Variants in ATP10D observed in about 807,000 individuals in gnomAD.
The protein encoded by ATP10D is ATPase phospholipid transporting 10D (putative).
Under a neutral mutation model 144.8 loss-of-function variants are expected in ATP10D, and 89 were observed. The observed-to-expected ratio is 0.61, with a 90% confidence interval of 0.52 to 0.73. The LOEUF (loss-of-function observed/expected upper bound fraction) is 0.73, where lower values mean the gene tolerates loss of function less well. ATP10D is among the 30% of genes least tolerant of loss of function. The pLI is 0.00. For missense variants in ATP10D, 1,603 were observed against 1,714.8 expected, an observed-to-expected ratio of 0.93 and a Z score of 1.15; for synonymous variants, 571 against 615.1, an observed-to-expected ratio of 0.93 and a Z score of 1.06.
intron 4 of ATP10D, among the ~76,000 whole-genome samples, chr4:47,523,794 A>G (rs1577643855): frequency 6.6e-6 from 1 of 150,714 alleles, no homozygotes; most frequent in East Asian, 1.9e-4. Flanking sequence ...TTCAAATGAA[A>G]TAGTACATAT....
chr4:47,554,344 T>C (rs1251843253), intron 10 of ATP10D, among the ~76,000 whole-genome samples: 2 of 152,216 alleles, frequency 1.3e-5, no homozygotes, highest in African/African-American at 4.8e-5. Flanking sequence ...GTTTAAGAGT[T>C]AGTATTCATC....
In ATP10D at chr4:47,536,834, A is replaced by C. The variant is rs1238492373; in HGVS notation, c.1292A>C (p.Gln431Pro). The change falls in exon 9 of 23, where the codon CAG becomes CCG. Residue 431 changes from glutamine (Q) to proline (P), a missense_variant. Gln to Pro is a moderately conservative substitution (Grantham distance 76, BLOSUM62 -1). Coordinates refer to ENST00000273859, the MANE Select transcript of ATP10D (RefSeq NM_020453.4). ...RALNIAEDLGQIQYLFSDKTG... is the reference protein window; with the variant it reads ...RALNIAEDLGPIQYLFSDKTG... ...CTGAACATCGCCGAGGATCTGGGAC[A>C]GATTCAGTACCTCTTTTCCGATAAG... is the stretch of plus-strand genomic sequence containing the variant. 1.9e-6 allele frequency: 3 copies of C among 1,613,406 alleles called. No individual in the cohort carries two copies. The highest frequency in any genetic ancestry group is 2.5e-6 in the Non-Finnish European group (3 of 1,179,706).
chr4:47,520,577 T>G (rs1716894516), intron 3 of ATP10D, among the ~76,000 whole-genome samples: 1 of 152,066 alleles, frequency 6.6e-6, no homozygotes, highest in African/African-American at 2.4e-5. Context: ...TTTTGTTTTG[T>G]TTTTTGAGAC....
rs779000383 is a variant in ATP10D, at chr4:47,591,300, GTGTGAAACTGCTTTAGATCAAGGCTAC to G, written c.4202_4228del (p.Cys1401_Tyr1409del). 369 of 1,613,318 alleles carry G rather than the reference GTGTGAAACTGCTTTAGATCAAGGCTAC, an allele frequency of 2.3e-4. 1 individual carries two copies. The highest frequency in any genetic ancestry group is 3.1e-4 in the Non-Finnish European group (364 of 1,179,494). ...CTATTGAGCAAGGAAACTTATCTCTGTGTGAAACTGCTTTAGATCAAGGCTACTCTGAAACTAAGGCCTTTGAGATGG... is the reference window on the plus strand; with the variant it reads ...CTATTGAGCAAGGAAACTTATCTCTGTCTGAAACTAAGGCCTTTGAGATGG... On this transcript the variant is annotated inframe_deletion, in exon 23 of 23. Transcript: ENST00000273859.
At chr4:47,541,466 A>T (rs933282775) in intron 9 of ATP10D, among the ~76,000 whole-genome samples, 7 of 152,148 alleles carry the variant, frequency 4.6e-5, no homozygotes, top group African/African-American at 1.7e-4. Context: ...ACGATGCTGG[A>T]ATTGTATGGG....
At chr4:47,559,531 A>G (rs1044519785) in intron 13 of ATP10D, among the ~76,000 whole-genome samples, 2 of 152,226 alleles carry the variant, frequency 1.3e-5, no homozygotes, top group Non-Finnish European at 2.9e-5. Flanking sequence ...TTTATTGAGA[A>G]TGCATATCCT....
chr4:47,535,549 A>AAT lies in ATP10D; in HGVS notation c.818_819dup (p.Leu274IlefsTer30). On this transcript the variant is annotated frameshift_variant, in exon 6 of 23. Transcript: ENST00000273859. LOFTEE classifies it high-confidence loss of function. ...AGAACGCGTGGGTCTCAGTAAAGAA[A>AAT]ATTTGTTGCTTAGAGGATGCACCAT... The AAT allele has an allele frequency of 6.2e-7, 1 of 1,613,078 alleles. No homozygotes were observed. The highest frequency in any genetic ancestry group is 8.5e-7 in the Non-Finnish European group (1 of 1,179,442).
intron 10 of ATP10D, among the ~76,000 whole-genome samples, chr4:47,549,719 G>A (rs996270021): frequency 6.6e-6 from 1 of 152,228 alleles, no homozygotes; most frequent in Non-Finnish European, 1.5e-5. Context: ...TCACAAAGAA[G>A]GGAATGATCA....
intron 3 of ATP10D, among the ~76,000 whole-genome samples, chr4:47,519,992 G>T (rs1331607927): frequency 6.6e-6 from 1 of 152,072 alleles, no homozygotes; most frequent in Non-Finnish European, 1.5e-5. Context: ...TTTAAATCTT[G>T]GTACATGCTA....
At position 47,591,201 on chromosome 4, in the gene ATP10D, A is replaced by G; in HGVS notation, c.4101A>G (p.Ser1367=). Residue 1367 remains serine, a synonymous_variant, in exon 23 of 23, where the codon TCA becomes TCG. Transcript: ENST00000273859. ...TGACATCAAAGTATGCTAACCAATC[A>G]GCTGGCAAGTCAGGAAGAAGACCCA... The part of the protein sequence containing the change: ...NQVTSKYANQ[S]AGKSGRRPMP... 6.2e-7 allele frequency: 1 copy of G among 1,613,628 alleles called. No individual in the cohort carries two copies. Among genetic ancestry groups the G allele is most frequent in the African/African-American group, 1.3e-5 (1 of 75,022 alleles).
chr4:47,528,232 C>G (rs1342423327), intron 5 of ATP10D, among the ~76,000 whole-genome samples: 1 of 151,908 alleles, frequency 6.6e-6, no homozygotes, highest in Non-Finnish European at 1.5e-5. Context: ...AATTTTTCAA[C>G]CCTCATGCCC....
At chr4:47,570,192 A>G (rs1257774703) in intron 16 of ATP10D, among the ~76,000 whole-genome samples, 1 of 152,180 alleles carries the variant, frequency 6.6e-6, no homozygotes, top group Non-Finnish European at 1.5e-5. Context: ...GGAGCAAAGG[A>G]AGGGTTGGGA....
At chr4:47,499,035 C>G (rs1198382025) in intron 1 of ATP10D, among the ~76,000 whole-genome samples, 5 of 152,126 alleles carry the variant, frequency 3.3e-5, no homozygotes, top group Admixed American at 6.6e-5. Context: ...TGTGTGCTAG[C>G]TTCATTTTGA....
rs1299590760 is a variant in ATP10D, at chr4:47,485,473, T to G, written c.-84T>G. On this transcript the variant is annotated 5_prime_UTR_variant, in exon 1 of 23. Coordinates refer to ENST00000273859, the MANE Select transcript of ATP10D (RefSeq NM_020453.4). The stretch of plus-strand genomic sequence containing the variant: ...TGTGCTTAGCTCTTTTCTTGTACCT[T>G]GCGACTCGTGACCAACATGCTGTGA... The G allele has an allele frequency of 6.6e-6, 1 of 151,890 alleles. No individual in the cohort carries two copies. 9.4% of individuals were successfully genotyped at this position (151,890 alleles called of 1,614,324 possible).
At chr4:47,498,711 G>A (rs763138585) in intron 1 of ATP10D, among the ~76,000 whole-genome samples, 13 of 152,296 alleles carry the variant, frequency 8.5e-5, no homozygotes, top group South Asian at 2.1e-4. Context: ...AAAAGTATTC[G>A]TTGAGGGCAT....
rs1420446596 is a variant in ATP10D, at chr4:47,591,760, G to GTAA, written c.*380_*381insAAT. 1 of 156,282 alleles carries GTAA rather than the reference G, an allele frequency of 6.4e-6. No individual in the cohort carries two copies. Among genetic ancestry groups the GTAA allele is most frequent in the Non-Finnish European group, 1.4e-5 (1 of 71,128 alleles). The allele number at this position is 156,282 out of a possible 1,614,324, so 9.7% of individuals were successfully genotyped here. A position where few individuals can be genotyped will look rare whatever the true frequency, so the allele number is the denominator to read the frequency against. On this transcript the variant is annotated 3_prime_UTR_variant, in exon 23 of 23. Coordinates refer to ENST00000273859, the MANE Select transcript of ATP10D (RefSeq NM_020453.4). ...AAATGCTTTAAATGGTCAGGCTCCA[G>GTAA]TCGGAATTTTTTTAAGAAAAAAGTA...
intron 1 of ATP10D, among the ~76,000 whole-genome samples, chr4:47,488,775 G>A (rs541671014): frequency 6.6e-6 from 1 of 152,308 alleles, no homozygotes; most frequent in Admixed American, 6.5e-5. Flanking sequence ...TGTGAGGGTA[G>A]TAGGAGGTAC....
chr4:47,557,197 A>G (rs1277365306), intron 11 of ATP10D, among the ~76,000 whole-genome samples: 1 of 151,964 alleles, frequency 6.6e-6, no homozygotes, highest in African/African-American at 2.4e-5. Flanking sequence ...TTTTGCTGTT[A>G]CTGAATACTT....
intron 5 of ATP10D, among the ~76,000 whole-genome samples, chr4:47,533,251 G>A (rs1170244463): frequency 1.3e-5 from 2 of 152,040 alleles, no homozygotes; most frequent in Non-Finnish European, 2.9e-5. Flanking sequence ...ACTTGGGAAT[G>A]CTAATATGCA....
Sources: allele counts gnomAD v4.1 joint callset (sites outside exome capture counted in the v4.1 genomes callset), GRCh38; gene constraint gnomAD v4.1.1; transcripts MANE v1.5; gene names NCBI Gene and HGNC (gene_info 2026-07-23, HGNC 2026-07-21).